The following ME1 variants were observed in gnomAD, a reference collection of about 807,000 sequenced individuals.
ME1 encodes NADP-dependent malic enzyme.
A neutral mutation model predicts 66.4 loss-of-function variants in ME1; 74 were observed. That is an observed-to-expected ratio of 1.11 (90% CI 0.92 to 1.35). The LOEUF (loss-of-function observed/expected upper bound fraction) is 1.35, where lower values mean the gene tolerates loss of function less well. Ranked by LOEUF, ME1 falls within the 40% of genes most tolerant of loss-of-function variation. The probability of loss-of-function intolerance (pLI) is 0.00; values close to 1 mark genes in which losing one functional copy is unlikely to be tolerated. For synonymous variants in ME1, 251 were observed against 235.6 expected (o/e 1.07, Z -0.60); for missense variants, 750 against 694.1 (o/e 1.08, Z -0.90).
intron 9 of ME1, among the ~76,000 whole-genome samples, chr6:83,232,851 T>G (rs987373831): frequency 2.0e-5 from 3 of 152,102 alleles, no homozygotes; most frequent in Non-Finnish European, 4.4e-5. Flanking sequence ...TTATTGACCA[T>G]CTCTTTCTAC....
At chr6:83,278,314 G>C (rs1171496759) in intron 6 of ME1, among the ~76,000 whole-genome samples, 1 of 152,128 alleles carries the variant, frequency 6.6e-6, no homozygotes, top group Non-Finnish European at 1.5e-5. Context: ...CAGTCTTATG[G>C]GGGCCTCCAC....
chr6:83,332,997 A>G (rs1043785690), intron 5 of ME1, among the ~76,000 whole-genome samples: 8 of 152,192 alleles, frequency 5.3e-5, no homozygotes, highest in Non-Finnish European at 7.4e-5. Flanking sequence ...AATTTCCTTT[A>G]GTTGAAAGCT....
intron 2 of ME1, among the ~76,000 whole-genome samples, chr6:83,402,030 A>G (rs1299937153): frequency 6.6e-6 from 1 of 152,200 alleles, no homozygotes; most frequent in African/African-American, 2.4e-5. Flanking sequence ...GGTATTCCAC[A>G]CAGCATTGCT....
At chr6:83,348,647 T>C (rs1246360347) in intron 4 of ME1, among the ~76,000 whole-genome samples, 1 of 151,362 alleles carries the variant, frequency 6.6e-6, no homozygotes, top group Non-Finnish European at 1.5e-5. Flanking sequence ...TTATTTTTGA[T>C]AGCTCATCTA....
chr6:83,403,672 C>A (rs1363951579), intron 2 of ME1, among the ~76,000 whole-genome samples: 2 of 152,054 alleles, frequency 1.3e-5, no homozygotes, highest in Non-Finnish European at 2.9e-5. Flanking sequence ...CCACGACAGG[C>A]CCTGGTGTGT....
At chr6:83,407,935 G>A (rs1583421867) in intron 1 of ME1, 34 bp from the exon 2 acceptor site, 2 of 1,529,092 alleles carry the variant, frequency 1.3e-6, no homozygotes, top group East Asian at 2.3e-5. Context: ...ACACACAACA[G>A]TATTTGAGAG....
At chr6:83,268,923 C>T (rs1467510629) in intron 6 of ME1, among the ~76,000 whole-genome samples, 2 of 151,856 alleles carry the variant, frequency 1.3e-5, no homozygotes, top group East Asian at 3.9e-4. Context: ...TAATACAAGC[C>T]TTTGGAATAA....
At chr6:83,423,024 G>T (rs1770299248) in intron 1 of ME1, among the ~76,000 whole-genome samples, 2 of 151,946 alleles carry the variant, frequency 1.3e-5, no homozygotes, top group African/African-American at 4.8e-5. Flanking sequence ...ACCCCAAGAA[G>T]ATAAACCCCA....
intron 7 of ME1, 39 bp downstream of exon 7, chr6:83,253,590 G>C: frequency 6.2e-6 from 6 of 969,594 alleles, no homozygotes; most frequent in Non-Finnish European, 1.0e-5. Context: ...ACTAATTTCA[G>C]ACATGTTATT....
intron 3 of ME1, among the ~76,000 whole-genome samples, chr6:83,374,267 T>C (rs1242587559): frequency 6.6e-6 from 1 of 152,182 alleles, no homozygotes; most frequent in Non-Finnish European, 1.5e-5. Context: ...GCATCTCTTG[T>C]TTCTTGACTT....
intron 3 of ME1, among the ~76,000 whole-genome samples, chr6:83,380,757 C>T (rs893109935): frequency 4.0e-5 from 6 of 151,846 alleles, no homozygotes; most frequent in South Asian, 2.1e-4. Flanking sequence ...GTTGAAAATA[C>T]GAGTAATAAT....
At chr6:83,247,828 A>T (rs1320257494) in intron 7 of ME1, among the ~76,000 whole-genome samples, 1 of 152,218 alleles carries the variant, frequency 6.6e-6, no homozygotes, top group Non-Finnish European at 1.5e-5. Context: ...CTCTAGTCAG[A>T]GATTAGACAT....
chr6:83,250,132 A>G (rs1790697241), intron 7 of ME1, among the ~76,000 whole-genome samples: 1 of 151,822 alleles, frequency 6.6e-6, no homozygotes, highest in South Asian at 2.1e-4. Flanking sequence ...TTTATGTTTC[A>G]TAGTCCGTTG....
chr6:83,221,404 C>A (rs1426989070), intron 12 of ME1, among the ~76,000 whole-genome samples: 2 of 152,180 alleles, frequency 1.3e-5, no homozygotes, highest in Non-Finnish European at 2.9e-5. Flanking sequence ...ATTCTCAGGT[C>A]TTTCCAGACA....
intron 5 of ME1, among the ~76,000 whole-genome samples, chr6:83,341,890 G>A (rs1040216640): frequency 2.2e-4 from 34 of 152,070 alleles, no homozygotes; most frequent in African/African-American, 7.7e-4. Flanking sequence ...CCAATCAGAC[G>A]TTTGCATAGG....
chr6:83,295,822 G>A (rs939378127), intron 6 of ME1, among the ~76,000 whole-genome samples: 28 of 151,888 alleles, frequency 1.8e-4, no homozygotes, highest in African/African-American at 6.3e-4. Flanking sequence ...ACAATTAGAC[G>A]CAACAAAGGG....
At chr6:83,404,116 C>T (rs1769888372) in intron 2 of ME1, among the ~76,000 whole-genome samples, 1 of 152,130 alleles carries the variant, frequency 6.6e-6, no homozygotes, top group East Asian at 1.9e-4. Flanking sequence ...TTTACACTCC[C>T]ACCAACAATG....
At chr6:83,299,385 T>A (rs1767669633) in intron 6 of ME1, among the ~76,000 whole-genome samples, 1 of 152,062 alleles carries the variant, frequency 6.6e-6, no homozygotes, top group South Asian at 2.1e-4. Context: ...TGGGAGTTCA[T>A]TCATGATTTG....
chr6:83,252,254 TCTG>T (rs1326106058), intron 7 of ME1, among the ~76,000 whole-genome samples: 1 of 151,822 alleles, frequency 6.6e-6, no homozygotes, highest in Non-Finnish European at 1.5e-5. Context: ...CAGCAGGAGT[TCTG>T]TTGTTGTTGT....
Sources: allele counts gnomAD v4.1 joint callset (sites outside exome capture counted in the v4.1 genomes callset), GRCh38; gene constraint gnomAD v4.1.1; transcripts MANE v1.5; gene names NCBI Gene and HGNC (gene_info 2026-07-23, HGNC 2026-07-21).